Variants in ITSN1 observed in about 807,000 individuals in gnomAD.
ITSN1 encodes the protein intersectin-1.
In ITSN1, 58 loss-of-function variants were observed where a neutral mutation model predicts 239.8. That is an observed-to-expected ratio of 0.24 (90% CI 0.20 to 0.30). ITSN1 has a LOEUF of 0.30. ITSN1 is among the 10% of genes least tolerant of loss of function. The probability of loss-of-function intolerance (pLI) is 1.00; values close to 1 mark genes in which losing one functional copy is unlikely to be tolerated. For synonymous variants in ITSN1, 780 were observed against 770.8 expected, an observed-to-expected ratio of 1.01 and a Z score of -0.20; for missense variants, 1,558 against 2,103.3, an observed-to-expected ratio of 0.74 and a Z score of 5.07.
chr21:33,784,937 A>G (rs910433230), intron 16 of ITSN1, among the ~76,000 whole-genome samples: 2 of 152,176 alleles, frequency 1.3e-5, no homozygotes, highest in African/African-American at 2.4e-5. Context: ...TGTTGATGCA[A>G]AAATTACTTC....
chr21:33,848,678 A>G (rs1174233744), intron 29 of ITSN1, among the ~76,000 whole-genome samples: 1 of 152,244 alleles, frequency 6.6e-6, no homozygotes, highest in Non-Finnish European at 1.5e-5. Flanking sequence ...AGCACCCGGC[A>G]TTGTGAGCTC....
At chr21:33,816,284 C>G (rs1389533830) in intron 22 of ITSN1, among the ~76,000 whole-genome samples, 1 of 152,168 alleles carries the variant, frequency 6.6e-6, no homozygotes, top group Admixed American at 6.5e-5. Flanking sequence ...CAATGCTTCA[C>G]AGCTTGGGAC....
chr21:33,696,695 C>T (rs183058940), intron 1 of ITSN1, among the ~76,000 whole-genome samples: 167 of 152,306 alleles, frequency 1.1e-3, no homozygotes, highest in African/African-American at 4.0e-3. Flanking sequence ...AAAAATCTGG[C>T]AGGAGGCTTC....
intron 1 of ITSN1, among the ~76,000 whole-genome samples, chr21:33,674,156 G>A (rs2090460355): frequency 2.0e-5 from 3 of 152,100 alleles, no homozygotes; most frequent in Non-Finnish European, 4.4e-5. Context: ...CATGTCTCTA[G>A]GACTCATTGG....
chr21:33,862,726 G>A (rs188983384), intron 31 of ITSN1, among the ~76,000 whole-genome samples: 78 of 152,318 alleles, frequency 5.1e-4, no homozygotes, highest in African/African-American at 1.9e-3. Flanking sequence ...AGTCAGACCT[G>A]GGTTCCAGGG....
intron 1 of ITSN1, among the ~76,000 whole-genome samples, chr21:33,661,284 A>G (rs1025044476): frequency 5.3e-5 from 8 of 152,162 alleles, no homozygotes; most frequent in African/African-American, 1.9e-4. Context: ...AAATGATTGC[A>G]CAGTGATTTT....
chr21:33,718,073 A>G (rs2065269252), intron 1 of ITSN1, among the ~76,000 whole-genome samples: 1 of 152,184 alleles, frequency 6.6e-6, no homozygotes, highest in Admixed American at 6.5e-5. Context: ...TCACCAAACG[A>G]ATGATATCGT....
intron 20 of ITSN1, 180 bp from the exon 21 acceptor site, chr21:33,810,794 CA>C: frequency 1.3e-6 from 1 of 779,424 alleles, no homozygotes; most frequent in East Asian, 2.5e-5. Flanking sequence ...AATTATAGTG[CA>C]TTTTTTTTTT....
At chr21:33,781,661 A>G in intron 15 of ITSN1, 113 bp downstream of exon 15, 1 of 630,030 alleles carries the variant, frequency 1.6e-6, no homozygotes, top group Non-Finnish European at 2.7e-6. Flanking sequence ...GCCAACTGTA[A>G]CCTCCGCCTC....
In ITSN1 at chr21:33,755,369, T is replaced by A. The variant is rs1288719261; in HGVS notation, c.696T>A (p.His232Gln). The change falls in exon 8 of 40, where the codon CAT becomes CAA. Residue 232 changes from histidine to glutamine, a missense_variant. His to Gln is a conservative substitution (Grantham distance 24). Coordinates refer to ENST00000381318, the MANE Select transcript of ITSN1 (RefSeq NM_003024.3). Reference sequence around the variant, plus strand: ...AATACAGGCAATTATTCAATAGTCATGACAAAACTATGAGTGGACACTTAA... The same window carrying A: ...AATACAGGCAATTATTCAATAGTCAAGACAAAACTATGAGTGGACACTTAA... ...RLKYRQLFNS[H>Q]DKTMSGHLTG... 6.2e-7 allele frequency: 1 copy of A among 1,603,322 alleles called. No homozygotes were observed. Among genetic ancestry groups the A allele is most frequent in the Non-Finnish European group, 8.5e-7 (1 of 1,172,256 alleles).
At chr21:33,819,753 C>T (rs1293572058) in intron 24 of ITSN1, among the ~76,000 whole-genome samples, 6 of 151,848 alleles carry the variant, frequency 4.0e-5, no homozygotes, top group African/African-American at 1.2e-4. Flanking sequence ...GAGGCCGAGG[C>T]GGGTGGATCA....
intron 14 of ITSN1, among the ~76,000 whole-genome samples, chr21:33,779,072 G>GT (rs2069920353): frequency 6.8e-6 from 1 of 147,478 alleles, no homozygotes; most frequent in African/African-American, 2.5e-5. Flanking sequence ...TCTATCTGGA[G>GT]TTTGTTTATT....
In ITSN1 at chr21:33,892,844, G is replaced by C. The variant is rs2834289; in HGVS notation, c.*4544G>C. On this transcript the variant is annotated 3_prime_UTR_variant, in exon 40 of 40. Coordinates refer to ENST00000381318, the MANE Select transcript of ITSN1 (RefSeq NM_003024.3). The stretch of plus-strand genomic sequence containing the variant: ...AGAGGAAGGTGGGCTTTCCTTGTCC[G>C]TCAGGCTGCACTCATGAGGTGATAT... 11,976 of 152,182 alleles carry C rather than the reference G, an allele frequency of 0.079. 505 individuals are homozygous for C. Among genetic ancestry groups the C allele is most frequent in the Non-Finnish European group, 0.094 (6,390 of 68,000 alleles). The allele number at this position is 152,182 out of a possible 1,614,324, so 9.4% of individuals were successfully genotyped here. A position where few individuals can be genotyped will look rare whatever the true frequency, so the allele number is the denominator to read the frequency against.
chr21:33,790,738 C>T (rs1036878979), intron 16 of ITSN1, among the ~76,000 whole-genome samples: 5 of 152,182 alleles, frequency 3.3e-5, no homozygotes, highest in African/African-American at 1.2e-4. Flanking sequence ...TCATTTAAAT[C>T]AAGTTGCCTA....
chr21:33,694,434 T>A (rs1174059693), intron 1 of ITSN1, among the ~76,000 whole-genome samples: 1 of 152,222 alleles, frequency 6.6e-6, no homozygotes, highest in African/African-American at 2.4e-5. Flanking sequence ...TTTGGACATA[T>A]ATCTTTGTAT....
intron 34 of ITSN1, among the ~76,000 whole-genome samples, chr21:33,876,728 C>CA (rs1310724431): frequency 6.6e-6 from 1 of 151,956 alleles, no homozygotes; most frequent in Non-Finnish European, 1.5e-5. Flanking sequence ...CCTGTCTATA[C>CA]AAAAAAATAA....
intron 5 of ITSN1, among the ~76,000 whole-genome samples, chr21:33,745,318 A>G (rs1164858460): frequency 6.6e-6 from 1 of 152,214 alleles, no homozygotes; most frequent in East Asian, 1.9e-4. Flanking sequence ...GGGTCTTTCA[A>G]CAGAAAAGAA....
chr21:33,647,916 G>A (rs891273136), intron 1 of ITSN1, among the ~76,000 whole-genome samples: 1 of 152,224 alleles, frequency 6.6e-6, no homozygotes, highest in South Asian at 2.1e-4. Context: ...GAATGTACTT[G>A]TGAGATTATT....
chr21:33,827,727 G>A (rs1291005290), intron 26 of ITSN1, among the ~76,000 whole-genome samples: 5 of 152,182 alleles, frequency 3.3e-5, no homozygotes, highest in East Asian at 1.9e-4. Flanking sequence ...TAAATAGCAC[G>A]AAAAAGAAAA....
Sources: allele counts gnomAD v4.1 joint callset (sites outside exome capture counted in the v4.1 genomes callset), GRCh38; gene constraint gnomAD v4.1.1; transcripts MANE v1.5; gene names NCBI Gene and HGNC (gene_info 2026-07-23, HGNC 2026-07-21).